The following RIPK2 variants were observed in gnomAD, a reference collection of about 807,000 sequenced individuals.
The protein encoded by RIPK2 is receptor interacting serine/threonine kinase 2.
A neutral mutation model predicts 60.9 loss-of-function variants in RIPK2; 38 were observed. The ratio of observed to expected loss-of-function variants is 0.62; its 90% CI spans 0.48 to 0.82. RIPK2 has a LOEUF of 0.82. RIPK2 is among the 40% of genes least tolerant of loss of function. The pLI, the probability that RIPK2 is intolerant of heterozygous loss-of-function variation, is 0.00. For synonymous variants in RIPK2, 225 were observed against 223.4 expected, an observed-to-expected ratio of 1.01 and a Z score of -0.06; for missense variants, 518 against 647.0, an observed-to-expected ratio of 0.80 and a Z score of 2.16.
In RIPK2 at chr8:89,762,058, C is replaced by T. The variant is rs1008317054; in HGVS notation, c.174-771C>T. ...AAAAAAAAATAGGCACGGTTGCATG[C>T]CTGTGGAGCTAGCTGGCTGCTGGGG... is the stretch of plus-strand genomic sequence containing the variant. On this transcript the variant is annotated intron_variant, in intron 1 of 10. Coordinates refer to ENST00000220751, the MANE Select transcript of RIPK2 (RefSeq NM_003821.6). 2.6e-5 allele frequency among the ~76,000 whole-genome samples: 4 copies of T among 151,870 alleles called. 1 individual carries two copies. Among genetic ancestry groups the T allele is most frequent in the Admixed American group, 2.6e-4 (4 of 15,244 alleles).
chr8:89,767,207 A>G (rs1163733094), intron 3 of RIPK2, among the ~76,000 whole-genome samples: 4 of 151,788 alleles, frequency 2.6e-5, no homozygotes, highest in Non-Finnish European at 3.0e-5. Flanking sequence ...GACACTGGCT[A>G]TTGTGATTTC....
Position 89,765,448 on chromosome 8 carries a change from T to C in RIPK2, c.435T>C (p.His145=). ...LHNMTPPLLH[H]DLKTQNILLD... is the part of the protein sequence containing the mutation. ...ATATGACTCCTCCTTTACTTCATCATGACTTGAAGACTCAGAATATCTTAT... is the reference window on the plus strand; with the variant it reads ...ATATGACTCCTCCTTTACTTCATCACGACTTGAAGACTCAGAATATCTTAT... Residue 145 remains histidine (H), a synonymous_variant, in exon 3 of 11, where the codon CAT becomes CAC. Transcript: ENST00000220751. The C allele has an allele frequency of 6.3e-7, 1 of 1,599,070 alleles. No homozygotes were observed. The highest frequency in any genetic ancestry group is 8.6e-7 in the Non-Finnish European group (1 of 1,167,080).
chr8:89,779,667 G>A (rs1449868156), intron 6 of RIPK2, among the ~76,000 whole-genome samples: 1 of 151,934 alleles, frequency 6.6e-6, no homozygotes, highest in East Asian at 1.9e-4. Flanking sequence ...TCATATCTAA[G>A]AACTCTGCCT....
At chr8:89,780,598 A>T (rs1167252482) in intron 7 of RIPK2, 1 of 152,318 alleles carries the variant, frequency 6.6e-6, no homozygotes, top group African/African-American at 2.4e-5. Flanking sequence ...AGTTGTGTAC[A>T]ATGAATGCAC....
intron 1 of RIPK2, among the ~76,000 whole-genome samples, chr8:89,760,865 ACT>A (rs1809132827): frequency 6.6e-6 from 1 of 151,996 alleles, no homozygotes; most frequent in African/African-American, 2.4e-5. Context: ...TGCAGCATGC[ACT>A]CTCTATTGTT....
At position 89,790,615 on chromosome 8, in the gene RIPK2, A is replaced by G; in HGVS notation, c.*199A>G. On this transcript the variant is annotated 3_prime_UTR_variant, in exon 11 of 11. Coordinates refer to ENST00000220751, the MANE Select transcript of RIPK2 (RefSeq NM_003821.6). ...AGTTTGAATTTTGCTACATAGTTCA[A>G]TTTTTATGTCTCTTTTGTTAACAGA... The G allele has an allele frequency of 4.5e-6, 2 of 445,872 alleles. No individual in the cohort carries two copies. The highest frequency in any genetic ancestry group is 2.0e-5 in the African/African-American group (1 of 50,424). The allele number at this position is 445,872 out of a possible 1,614,324, so 27.6% of individuals were successfully genotyped here.
At chr8:89,779,610 A>G (rs919418675) in intron 6 of RIPK2, among the ~76,000 whole-genome samples, 1 of 152,018 alleles carries the variant, frequency 6.6e-6, no homozygotes, top group African/African-American at 2.4e-5. Flanking sequence ...GTGAGCCACC[A>G]TGCCTGGCCC....
Position 89,790,299 on chromosome 8 carries a change from C to T in RIPK2, c.1506C>T (p.Ala502=), listed in dbSNP as rs1204260591. 1 of 1,614,000 alleles carries T rather than the reference C, an allele frequency of 6.2e-7. No homozygotes were observed. Among genetic ancestry groups the T allele is most frequent in the Admixed American group, 1.7e-5 (1 of 60,012 alleles). Residue 502 remains alanine, a synonymous_variant, in exon 11 of 11, where the codon GCC becomes GCT. Transcript: ENST00000220751. ...DTTDIQGEEF[A]KVIVQKLKDN... ...CTGACATCCAAGGAGAAGAATTTGC[C>T]AAAGTTATAGTACAAAAATTGAAAG...
Position 89,769,819 on chromosome 8 carries a change from G to A in RIPK2, c.531G>A (p.Gln177=), listed in dbSNP as rs752514919. ...AGTGGCGCATGATGTCCCTCTCACA[G>A]TCACGAAGTAGCAAATCTGCACCAG... ...LSKWRMMSLS[Q]SRSSKSAPEG... is the part of the protein sequence containing the mutation. The change falls in exon 4 of 11, where the codon CAG becomes CAA. Residue 177 remains glutamine, a synonymous_variant. Coordinates refer to ENST00000220751, the MANE Select transcript of RIPK2 (RefSeq NM_003821.6). The A allele has an allele frequency of 4.2e-5, 67 of 1,609,754 alleles. No homozygotes were observed. The highest frequency in any genetic ancestry group is 5.4e-5 in the Non-Finnish European group (64 of 1,177,572).
At chr8:89,765,297 A>C in intron 2 of RIPK2, 44 bp from the exon 3 acceptor site, 1 of 1,410,062 alleles carries the variant, frequency 7.1e-7, no homozygotes, top group South Asian at 1.2e-5. Flanking sequence ...ACATAGTGAA[A>C]TTTGGACTAA....
chr8:89,789,307 G>A lies in RIPK2; in HGVS notation c.1124-14G>A, dbSNP rs531152605. 8 of 1,610,676 alleles carry A rather than the reference G, an allele frequency of 5.0e-6. No individual in the cohort carries two copies. The highest frequency in any genetic ancestry group is 6.8e-6 in the Non-Finnish European group (8 of 1,177,582). ...GGAGTATTCTACTTCTAATGAAGAT[G>A]TTGTATTTTGTAGGAAAAGCTCAAG... On this transcript the variant is annotated splice_polypyrimidine_tract_variant and intron_variant, in intron 9 of 10. Coordinates refer to ENST00000220751, the MANE Select transcript of RIPK2 (RefSeq NM_003821.6).
At position 89,762,853 on chromosome 8, in the gene RIPK2, A is replaced by G; in HGVS notation, c.198A>G (p.Glu66=). ...GTGAAAGAAAGGATGTCTTAAGAGA[A>G]GCTGAAATTTTACACAAAGCTAGAT... ...LDSERKDVLR[E]AEILHKARFS... is the part of the protein sequence containing the mutation. The change falls in exon 2 of 11, where the codon GAA becomes GAG. Residue 66 remains glutamate (E), a synonymous_variant. Coordinates refer to ENST00000220751, the MANE Select transcript of RIPK2 (RefSeq NM_003821.6). 6.8e-7 allele frequency: 1 copy of G among 1,480,476 alleles called. No individual in the cohort carries two copies. Among genetic ancestry groups the G allele is most frequent in the Non-Finnish European group, 9.1e-7 (1 of 1,100,548 alleles). The allele number at this position is 1,480,476 out of a possible 1,614,324, so 91.7% of individuals were successfully genotyped here.
At chr8:89,758,579 G>C (rs769164422) in intron 1 of RIPK2, among the ~76,000 whole-genome samples, 1 of 152,164 alleles carries the variant, frequency 6.6e-6, no homozygotes, top group Non-Finnish European at 1.5e-5. Flanking sequence ...TGAAATTGAT[G>C]TGTGTTTATA....
rs765700438 is a variant in RIPK2 at position 89,784,137 on chromosome 8, G to GAGGT, written c.1029_1029+3dup. 1.9e-6 allele frequency: 1 copy of GAGGT among 526,234 alleles called. No individual in the cohort carries two copies. The highest frequency in any genetic ancestry group is 2.7e-5 in the South Asian group (1 of 36,472). 32.6% of individuals were successfully genotyped at this position (526,234 alleles called of 1,614,324 possible). A position where few individuals can be genotyped will look rare whatever the true frequency, so the allele number is the denominator to read the frequency against. On this transcript the variant is annotated frameshift_variant and splice_region_variant, in exon 8 of 11. Coordinates refer to ENST00000220751, the MANE Select transcript of RIPK2 (RefSeq NM_003821.6). LOFTEE classifies it high-confidence loss of function. ...CATACCTGTAAATCATGGTCCACAA[G>GAGGT]AGGTAAAAAAAAAAAAAAAAAAAAA...
At chr8:89,766,563 A>G (rs1809232265) in intron 3 of RIPK2, among the ~76,000 whole-genome samples, 1 of 151,608 alleles carries the variant, frequency 6.6e-6, no homozygotes, top group Non-Finnish European at 1.5e-5. Flanking sequence ...TTCATCAGAT[A>G]TGTAGTTTGC....
At chr8:89,788,824 C>T (rs554030850) in intron 9 of RIPK2, among the ~76,000 whole-genome samples, 19 of 146,420 alleles carry the variant, frequency 1.3e-4, no homozygotes, top group African/African-American at 4.5e-4. Context: ...GGGAGGGAGG[C>T]AGGGAGGGAG....
intron 6 of RIPK2, among the ~76,000 whole-genome samples, chr8:89,779,865 T>G (rs1296667446): frequency 6.6e-6 from 1 of 152,218 alleles, no homozygotes; most frequent in Non-Finnish European, 1.5e-5. Flanking sequence ...GCTTAGCACA[T>G]TTGTCCAAAA....
At chr8:89,758,291 C>CG in intron 1 of RIPK2, 58 bp downstream of exon 1, 1 of 1,489,322 alleles carries the variant, frequency 6.7e-7, no homozygotes, top group Non-Finnish European at 9.0e-7. Flanking sequence ...CCCTCAAGCC[C>CG]CCTGACAAGC....
intron 4 of RIPK2, among the ~76,000 whole-genome samples, chr8:89,770,316 A>G (rs1480729922): frequency 6.6e-6 from 1 of 151,868 alleles, no homozygotes; most frequent in Non-Finnish European, 1.5e-5. Context: ...ATAAATAGAC[A>G]AACTCTTAAT....
Sources: allele counts gnomAD v4.1 joint callset (sites outside exome capture counted in the v4.1 genomes callset), GRCh38; gene constraint gnomAD v4.1.1; transcripts MANE v1.5; gene names NCBI Gene and HGNC (gene_info 2026-07-23, HGNC 2026-07-21).